SLC13A3: variants seen among roughly 807,000 people sequenced by gnomAD.
SLC13A3 encodes the protein Na(+)/dicarboxylate cotransporter 3.
SLC13A3 carries 40 observed loss-of-function variants against 59.0 expected under a neutral mutation model. The observed-to-expected ratio is 0.68, with a 90% CI of 0.53 to 0.88. The LOEUF (loss-of-function observed/expected upper bound fraction) is 0.88. Ranked by LOEUF, SLC13A3 falls within the 40% of genes least tolerant of loss-of-function variation. The pLI is 0.00. For synonymous variants in SLC13A3, 317 were observed against 330.3 expected, an observed-to-expected ratio of 0.96 and a Z score of 0.44; for missense variants, 699 against 783.2, an observed-to-expected ratio of 0.89 and a Z score of 1.28.
At chr20:46,676,139 C>A (rs575110033) in intron 1 of SLC13A3, 1 of 152,122 alleles carries the variant, frequency 6.6e-6, no homozygotes, top group Non-Finnish European at 1.5e-5. Context: ...AAACTCCTGA[C>A]CTCAGGTGAT....
At chr20:46,678,137 A>G (rs1259521486) in intron 1 of SLC13A3, among the ~76,000 whole-genome samples, 1 of 152,166 alleles carries the variant, frequency 6.6e-6, no homozygotes, top group Admixed American at 6.5e-5. Context: ...ATTTTCCCCA[A>G]ACTCACAGAA....
At chr20:46,647,423 G>C (rs943970512) in intron 1 of SLC13A3, among the ~76,000 whole-genome samples, 1 of 152,150 alleles carries the variant, frequency 6.6e-6, no homozygotes, top group Non-Finnish European at 1.5e-5. Flanking sequence ...TTATTAATAA[G>C]AGTCCCATCT....
intron 1 of SLC13A3, among the ~76,000 whole-genome samples, chr20:46,639,248 G>A (rs1472815750): frequency 2.0e-5 from 3 of 152,064 alleles, no homozygotes; most frequent in African/African-American, 7.2e-5. Flanking sequence ...GATCACCTGA[G>A]GTCAAGAGTT....
chr20:46,605,491 T>C (rs1447167926), intron 3 of SLC13A3, among the ~76,000 whole-genome samples: 1 of 152,074 alleles, frequency 6.6e-6, no homozygotes, highest in Non-Finnish European at 1.5e-5. Context: ...TACAAATCCT[T>C]GAGTTTGTGT....
At chr20:46,578,734 G>A (rs1178654475) in intron 9 of SLC13A3, among the ~76,000 whole-genome samples, 3 of 151,986 alleles carry the variant, frequency 2.0e-5, no homozygotes, top group Admixed American at 6.6e-5. Flanking sequence ...ATAAAATAAG[G>A]TAAAGGAATA....
chr20:46,588,812 T>C (rs756521705), intron 7 of SLC13A3, among the ~76,000 whole-genome samples: 3 of 152,168 alleles, frequency 2.0e-5, no homozygotes, highest in Non-Finnish European at 4.4e-5. Flanking sequence ...ACTGAACCCG[T>C]TATTTTCACC....
chr20:46,619,937 T>C (rs1469555352), intron 1 of SLC13A3, among the ~76,000 whole-genome samples: 1 of 152,218 alleles, frequency 6.6e-6, no homozygotes, highest in Non-Finnish European at 1.5e-5. Context: ...ACCATGACTT[T>C]CGTGACCTTG....
intron 1 of SLC13A3, among the ~76,000 whole-genome samples, chr20:46,620,376 TACTA>T (rs1430178608): frequency 6.6e-6 from 1 of 152,226 alleles, no homozygotes; most frequent in African/African-American, 2.4e-5. Flanking sequence ...AATAAACTCA[TACTA>T]ACTTATTATC....
chr20:46,587,363 A>C (rs1316008866), intron 8 of SLC13A3, among the ~76,000 whole-genome samples: 3 of 146,860 alleles, frequency 2.0e-5, no homozygotes, highest in African/African-American at 8.3e-5. Context: ...TGCTCACAGA[A>C]AAAAAACAAA....
Position 46,662,187 on chromosome 20 carries a change from T to C in SLC13A3, c.-31+7856A>G, listed in dbSNP as rs879515238. Among the ~76,000 whole-genome samples the C allele has an allele frequency of 4.6e-5, 7 of 152,338 alleles. No homozygotes were observed. The East Asian group carries it at 1.3e-3, about 29-fold the overall frequency. Reference sequence around the variant, plus strand: ...ATTTCCTCCTGGAGGTTAGCTCCTTTAGGTTTCTTTGTGTCCTCAGCTTTC... The same window carrying C: ...ATTTCCTCCTGGAGGTTAGCTCCTTCAGGTTTCTTTGTGTCCTCAGCTTTC... On this transcript the variant is annotated intron_variant, in intron 1 of 12. Transcript: ENST00000290317.
upstream of SLC13A3, among the ~76,000 whole-genome samples, chr20:46,672,155 G>T (rs2063096396): frequency 6.6e-6 from 1 of 152,244 alleles, no homozygotes; most frequent in Non-Finnish European, 1.5e-5. Flanking sequence ...CATAGGCAGA[G>T]GCCATGCCTG....
At chr20:46,652,547 A>ATTTTTTTTTTTTTTTTTTT (rs11471373), upstream of SLC13A3, among the ~76,000 whole-genome samples, 1 of 117,794 alleles carries the variant, frequency 8.5e-6, no homozygotes, top group African/African-American at 3.1e-5. Context: ...TATCTGGCTA[A>ATTTTTTTTTTTTTTTTTTT]TTTTTTTTTT....
chr20:46,677,233 C>A (rs1006452516), intron 1 of SLC13A3, among the ~76,000 whole-genome samples: 88 of 152,122 alleles, frequency 5.8e-4, no homozygotes, highest in Non-Finnish European at 2.6e-4. Context: ...TATTGAAGTA[C>A]AACATAAATA....
chr20:46,600,257 G>GAAGGAAGGAAAGGA (rs1555878096), intron 3 of SLC13A3, among the ~76,000 whole-genome samples: 8 of 125,852 alleles, frequency 6.4e-5, no homozygotes, highest in African/African-American at 2.1e-4. Flanking sequence ...ATGGAGGAAG[G>GAAGGAAGGAAAGGA]AAGGAAAGGA....
intron 1 of SLC13A3, among the ~76,000 whole-genome samples, chr20:46,624,638 T>C (rs537389196): frequency 6.6e-6 from 1 of 152,300 alleles, no homozygotes; most frequent in East Asian, 1.9e-4. Context: ...CATAAGTATA[T>C]CCCATGCACT....
chr20:46,626,679 G>A (rs544820934), intron 1 of SLC13A3, among the ~76,000 whole-genome samples: 2 of 152,182 alleles, frequency 1.3e-5, no homozygotes, highest in African/African-American at 4.8e-5. Context: ...AAGTGCTGCT[G>A]CCCCTCATCC....
chr20:46,651,794 G>T (rs1010766598), upstream of SLC13A3, among the ~76,000 whole-genome samples: 8 of 152,210 alleles, frequency 5.3e-5, no homozygotes, highest in Non-Finnish European at 1.0e-4. Context: ...CTATTACCCG[G>T]GTTCAAATCC....
chr20:46,568,608 C>T (rs780259073), intron 10 of SLC13A3, among the ~76,000 whole-genome samples: 62 of 152,200 alleles, frequency 4.1e-4, no homozygotes, highest in Admixed American at 1.4e-3. Context: ...CTGGGGAATA[C>T]GGTAAGTGGC....
chr20:46,574,387 T>C (rs381118), intron 10 of SLC13A3, among the ~76,000 whole-genome samples: 123,640 of 152,136 alleles, frequency 0.81, 50,426 homozygotes, highest in East Asian at 0.88. Context: ...AGGGCTGGTG[T>C]GGCGATTCAG....
Sources: gnomAD v4.1 joint callset for allele counts (sites outside exome capture counted in the v4.1 genomes callset) on GRCh38, gnomAD v4.1.1 for gene constraint, MANE v1.5 for transcripts, NCBI Gene and HGNC (gene_info 2026-07-23, HGNC 2026-07-21) for gene names.